The following TBC1D8 variants were observed in gnomAD, a reference collection of about 807,000 sequenced individuals.
TBC1D8 encodes TBC1 domain family member 8.
Under a neutral mutation model 118.8 loss-of-function variants are expected in TBC1D8, and 65 were observed. The observed-to-expected ratio is 0.55, with a 90% confidence interval of 0.45 to 0.67. TBC1D8 has a LOEUF of 0.67. TBC1D8 is among the 30% of genes least tolerant of loss of function. TBC1D8 has a pLI of 0.00. For synonymous variants in TBC1D8, 566 were observed against 595.8 expected, an observed-to-expected ratio of 0.95 and a Z score of 0.73; for missense variants, 1,376 against 1,471.2, an observed-to-expected ratio of 0.94 and a Z score of 1.06.
At chr2:101,074,229 G>T (rs373186188) in intron 2 of TBC1D8, among the ~76,000 whole-genome samples, 75 of 152,298 alleles carry the variant, frequency 4.9e-4, no homozygotes, top group African/African-American at 1.8e-3. Context: ...CAACAAGAAG[G>T]TGGCCCAGTG....
At chr2:101,047,440 C>T (rs911503896) in intron 5 of TBC1D8, among the ~76,000 whole-genome samples, 7 of 152,186 alleles carry the variant, frequency 4.6e-5, no homozygotes, top group Non-Finnish European at 8.8e-5. Flanking sequence ...CCAAAGAGAG[C>T]CAGGGAGCGA....
intron 2 of TBC1D8, among the ~76,000 whole-genome samples, chr2:101,070,508 G>T (rs1306209164): frequency 3.3e-5 from 5 of 151,788 alleles, no homozygotes; most frequent in African/African-American, 1.2e-4. Flanking sequence ...CGCCTCTCAG[G>T]TTCAAGCAAT....
intron 1 of TBC1D8, among the ~76,000 whole-genome samples, chr2:101,117,873 C>CA (rs1677899085): frequency 7.9e-6 from 1 of 126,382 alleles, no homozygotes; most frequent in African/African-American, 3.0e-5. Flanking sequence ...CCGCACCCGG[C>CA]CTTTTTTTTT....
Position 101,021,752 on chromosome 2 carries a change from A to G in TBC1D8, c.2762-6T>C. On this transcript the variant is annotated splice_polypyrimidine_tract_variant and splice_region_variant and intron_variant, in intron 16 of 19. Transcript: ENST00000409318. ...TTCTCCATTATACATAATATCTGCA[A>G]AAAGTTTAAAAAGAGTGAGTTGATG... 3 of 1,528,572 alleles carry G rather than the reference A, an allele frequency of 2.0e-6. No individual in the cohort carries two copies. Among genetic ancestry groups the G allele is most frequent in the Non-Finnish European group, 8.9e-7 (1 of 1,118,148 alleles). 94.7% of individuals were successfully genotyped at this position (1,528,572 alleles called of 1,614,324 possible).
At chr2:101,072,605 C>G (rs1358047838) in intron 2 of TBC1D8, among the ~76,000 whole-genome samples, 3 of 152,172 alleles carry the variant, frequency 2.0e-5, no homozygotes, top group East Asian at 1.9e-4. Flanking sequence ...GGATCATCAT[C>G]AGGCATTGGT....
chr2:101,057,687 G>C lies in TBC1D8; in HGVS notation c.402+1734C>G, dbSNP rs548185519. 5.3e-5 allele frequency among the ~76,000 whole-genome samples: 8 copies of C among 152,300 alleles called. No individual in the cohort carries two copies. The South Asian group carries it at 1.7e-3, about 32-fold the overall frequency. The stretch of plus-strand genomic sequence containing the variant: ...AAAAATAAAAACATTAGCCAGGTGT[G>C]GTGGTGTGTGCTTGCAGCCCCAGCT... On this transcript the variant is annotated intron_variant, in intron 3 of 19. Transcript: ENST00000409318.
chr2:101,040,312 C>T lies in TBC1D8; in HGVS notation c.946G>A (p.Ala316Thr), dbSNP rs935456435. Reference sequence around the variant, plus strand: ...GTCCAGAGCGAACAGTCCACAACCGCGTGCAGCTTCTCCTTCCTCGGCAAC... The same window carrying T: ...GTCCAGAGCGAACAGTCCACAACCGTGTGCAGCTTCTCCTTCCTCGGCAAC... ...FRLPRKEKLH[A>T]VVDCSLWTPF... The change falls in exon 6 of 20, where the codon GCG becomes ACG. Residue 316 changes from alanine (A) to threonine (T), a missense_variant. Ala to Thr is a moderately conservative substitution (Grantham distance 58). Transcript: ENST00000409318. 3 of 1,613,880 alleles carry T rather than the reference C, an allele frequency of 1.9e-6. No individual in the cohort carries two copies. The highest frequency in any genetic ancestry group is 1.1e-5 in the South Asian group (1 of 91,080).
intron 2 of TBC1D8, among the ~76,000 whole-genome samples, chr2:101,074,483 T>C (rs1416208367): frequency 6.6e-6 from 1 of 152,234 alleles, no homozygotes; most frequent in Middle Eastern, 3.2e-3. Flanking sequence ...TGCTCAGTTC[T>C]GGGTTACCAT....
At chr2:101,149,444 G>A (rs1558735076) in intron 1 of TBC1D8, among the ~76,000 whole-genome samples, 1 of 152,196 alleles carries the variant, frequency 6.6e-6, no homozygotes, top group South Asian at 2.1e-4. Context: ...GAAGGTAGCC[G>A]GCCCTCACCG....
intron 2 of TBC1D8, among the ~76,000 whole-genome samples, chr2:101,067,355 C>T (rs1007927347): frequency 6.6e-6 from 1 of 152,152 alleles, no homozygotes; most frequent in African/African-American, 2.4e-5. Context: ...GATGACCAAG[C>T]TTGAAGAACA....
intron 17 of TBC1D8, among the ~76,000 whole-genome samples, chr2:101,017,512 A>G (rs1199448947): frequency 6.6e-6 from 1 of 152,184 alleles, no homozygotes; most frequent in Admixed American, 6.5e-5. Flanking sequence ...TCTCGCTGTA[A>G]TCCTATGGGA....
At chr2:101,017,517 A>G (rs1191828973) in intron 17 of TBC1D8, among the ~76,000 whole-genome samples, 3 of 152,316 alleles carry the variant, frequency 2.0e-5, no homozygotes, top group South Asian at 2.1e-4. Context: ...CTGTAATCCT[A>G]TGGGACCACC....
rs142846099 is a variant in TBC1D8 at position 101,059,211 on chromosome 2, C to CT, written c.402+209dup. ...CGTGAGCCACCGTGCCCAGCCAAGT[C>CT]TTTTTTTTTTTTTTTTTTTAACATG... On this transcript the variant is annotated intron_variant, in intron 3 of 19. Coordinates refer to ENST00000409318, the MANE Select transcript of TBC1D8 (RefSeq NM_001330348.2). 7.2e-4 allele frequency among the ~76,000 whole-genome samples: 101 copies of CT among 140,310 alleles called. 1 individual carries two copies. The highest frequency in any genetic ancestry group is 2.3e-3 in the South Asian group (10 of 4,350). 92.0% of individuals were successfully genotyped at this position (140,310 alleles called of 152,430 possible). A position where few individuals can be genotyped will look rare whatever the true frequency, so the allele number is the denominator to read the frequency against.
intron 15 of TBC1D8, among the ~76,000 whole-genome samples, chr2:101,025,428 T>C (rs1680283963): frequency 6.6e-6 from 1 of 152,172 alleles, no homozygotes; most frequent in African/African-American, 2.4e-5. Context: ...GTTTTCACGA[T>C]GTTGGCCAAG....
chr2:101,024,505 C>G (rs368523576), intron 15 of TBC1D8, among the ~76,000 whole-genome samples: 7 of 148,620 alleles, frequency 4.7e-5, no homozygotes, highest in African/African-American at 1.7e-4. Flanking sequence ...CTCCCAGGTT[C>G]AAGCAATTCT....
chr2:101,053,826 G>A (rs1682215504), intron 4 of TBC1D8, among the ~76,000 whole-genome samples: 1 of 152,162 alleles, frequency 6.6e-6, no homozygotes. Context: ...AGCCATCAGT[G>A]ATAACACTAT....
At chr2:101,119,692 T>G (rs78303536) in intron 1 of TBC1D8, among the ~76,000 whole-genome samples, 3,887 of 152,300 alleles carry the variant, frequency 0.026, 180 homozygotes, top group African/African-American at 0.088. Flanking sequence ...GATCTTCTCT[T>G]GTTCCCTCTT....
chr2:101,150,319 C>G (rs2104294146), intron 1 of TBC1D8, among the ~76,000 whole-genome samples: 1 of 152,166 alleles, frequency 6.6e-6, no homozygotes, highest in South Asian at 2.1e-4. Context: ...TCTTTTATTC[C>G]GATTCCAAAA....
At chr2:101,096,151 T>A (rs1444426939) in intron 1 of TBC1D8, among the ~76,000 whole-genome samples, 4 of 152,186 alleles carry the variant, frequency 2.6e-5, no homozygotes, top group Non-Finnish European at 5.9e-5. Flanking sequence ...CTCGAACTCC[T>A]AGGCTCAGAC....
Sources: allele counts gnomAD v4.1 joint callset (sites outside exome capture counted in the v4.1 genomes callset), GRCh38; gene constraint gnomAD v4.1.1; transcripts MANE v1.5; gene names NCBI Gene and HGNC (gene_info 2026-07-23, HGNC 2026-07-21).